The following PABPC4L variants were observed in gnomAD, a reference collection of about 807,000 sequenced individuals.
The protein encoded by PABPC4L is poly(A) binding protein cytoplasmic 4 like.
For missense variants in PABPC4L, 452 were observed against 451.4 expected (o/e 1.00, Z -0.01); for synonymous variants, 169 against 164.1 (o/e 1.03, Z -0.23).
chr4:134,021,616 AG>A, the PABPC4L span, among the ~76,000 whole-genome samples: 10 of 152,176 alleles, frequency 6.6e-5, no homozygotes, highest in Non-Finnish European at 1.5e-4. Context: ...TAGGACACAG[AG>A]GTGTCTAGTT....
the PABPC4L span, among the ~76,000 whole-genome samples, chr4:133,987,584 C>G: frequency 6.6e-6 from 1 of 151,956 alleles, no homozygotes; most frequent in Non-Finnish European, 1.5e-5. Context: ...CCCATAATCA[C>G]CAACAAGCCT....
At chr4:134,136,816 A>G in the PABPC4L span, among the ~76,000 whole-genome samples, 1 of 151,994 alleles carries the variant, frequency 6.6e-6, no homozygotes, top group Non-Finnish European at 1.5e-5. Flanking sequence ...TTAAAGTTCA[A>G]ATTGTCTGAC....
the PABPC4L span, among the ~76,000 whole-genome samples, chr4:134,129,148 T>A: frequency 8.5e-5 from 13 of 152,222 alleles, no homozygotes; most frequent in African/African-American, 3.1e-4. Context: ...TATATGCACC[T>A]AACACTGGAG....
the PABPC4L span, among the ~76,000 whole-genome samples, chr4:134,143,126 C>T: frequency 1.3e-5 from 2 of 151,090 alleles, no homozygotes; most frequent in African/African-American, 2.4e-5. Context: ...TGACTATTTC[C>T]CTCAAAATAT....
chr4:133,991,440 ATGCCAG>A, the PABPC4L span, among the ~76,000 whole-genome samples: 1 of 152,180 alleles, frequency 6.6e-6, no homozygotes, highest in African/African-American at 2.4e-5. Flanking sequence ...TACTGTTTGA[ATGCCAG>A]TGCATCTTGC....
the PABPC4L span, among the ~76,000 whole-genome samples, chr4:134,015,458 C>T: frequency 6.6e-6 from 1 of 152,106 alleles, no homozygotes; most frequent in Non-Finnish European, 1.5e-5. Context: ...TTCATCCCAG[C>T]CTCTCTTTGC....
the PABPC4L span, among the ~76,000 whole-genome samples, chr4:133,987,243 T>G: frequency 6.6e-6 from 1 of 152,200 alleles, no homozygotes; most frequent in South Asian, 2.1e-4. Context: ...TGAATACATT[T>G]CTAAGGTATG....
the PABPC4L span, among the ~76,000 whole-genome samples, chr4:134,012,625 T>C: frequency 6.6e-6 from 1 of 152,214 alleles, no homozygotes; most frequent in African/African-American, 2.4e-5. Context: ...GCATGAAATT[T>C]GGTGCTGTGA....
chr4:134,125,905 T>C, the PABPC4L span, among the ~76,000 whole-genome samples: 36 of 152,198 alleles, frequency 2.4e-4, no homozygotes, highest in African/African-American at 3.4e-4. Context: ...CACAGAGCTA[T>C]TAACTCTTAG....
chr4:134,016,170 TC>T, the PABPC4L span, among the ~76,000 whole-genome samples: 2 of 152,250 alleles, frequency 1.3e-5, no homozygotes, highest in South Asian at 4.1e-4. Flanking sequence ...TATAGTATCT[TC>T]CGCATCTGTC....
At chr4:134,008,784 T>C in the PABPC4L span, among the ~76,000 whole-genome samples, 1 of 151,802 alleles carries the variant, frequency 6.6e-6, no homozygotes, top group Non-Finnish European at 1.5e-5. Context: ...ACATAATATG[T>C]AGGATGGTTG....
At chr4:134,105,661 T>G in the PABPC4L span, among the ~76,000 whole-genome samples, 4 of 151,722 alleles carry the variant, frequency 2.6e-5, no homozygotes, top group Non-Finnish European at 5.9e-5. Flanking sequence ...TTGTTTGGTT[T>G]TAGAATATGC....
At chr4:134,180,603 C>A in the PABPC4L span, among the ~76,000 whole-genome samples, 3 of 150,930 alleles carry the variant, frequency 2.0e-5, no homozygotes, top group African/African-American at 4.9e-5. Flanking sequence ...CTGATTCTTT[C>A]AAAATATTAA....
the PABPC4L span, among the ~76,000 whole-genome samples, chr4:133,962,236 C>CA: frequency 6.6e-6 from 1 of 152,038 alleles, no homozygotes; most frequent in Admixed American, 6.6e-5. Context: ...TTAACACAAC[C>CA]AAAAAATCAC....
chr4:134,065,342 T>A, the PABPC4L span, among the ~76,000 whole-genome samples: 1 of 150,142 alleles, frequency 6.7e-6, no homozygotes, highest in South Asian at 2.1e-4. Context: ...TTATCTAATA[T>A]TAGTGATGTT....
At chr4:134,050,636 C>T in the PABPC4L span, among the ~76,000 whole-genome samples, 1 of 138,192 alleles carries the variant, frequency 7.2e-6, no homozygotes, top group Non-Finnish European at 1.5e-5. Flanking sequence ...ATCTGGGAGG[C>T]AGGGGTTGCA....
the PABPC4L span, among the ~76,000 whole-genome samples, chr4:133,990,971 G>A: frequency 6.6e-6 from 1 of 151,980 alleles, no homozygotes; most frequent in Middle Eastern, 3.2e-3. Flanking sequence ...CCACCACCCT[G>A]ACCAATCTCC....
At chr4:133,950,593 A>G in the PABPC4L span, among the ~76,000 whole-genome samples, 1 of 152,144 alleles carries the variant, frequency 6.6e-6, no homozygotes, top group Non-Finnish European at 1.5e-5. Context: ...TTCTCCCATC[A>G]GGGAGCACCC....
chr4:134,162,622 T>A, the PABPC4L span, among the ~76,000 whole-genome samples: 1 of 152,018 alleles, frequency 6.6e-6, no homozygotes, highest in Non-Finnish European at 1.5e-5. Context: ...GCCACAAAAG[T>A]CTGAATAATT....
Sources: gnomAD v4.1 joint callset for allele counts (sites outside exome capture counted in the v4.1 genomes callset) on GRCh38, gnomAD v4.1.1 for gene constraint, MANE v1.5 for transcripts, NCBI Gene and HGNC (gene_info 2026-07-23, HGNC 2026-07-21) for gene names.